CELF4: variants seen among roughly 807,000 people sequenced by gnomAD.
CELF4 encodes CUGBP Elav-like family member 4, also known as CUG-BP- and ETR-3-like factor 4.
In CELF4, 18 loss-of-function variants were observed where a neutral mutation model predicts 59.9. That is an observed-to-expected ratio of 0.30 (90% CI 0.21 to 0.45). CELF4 has a LOEUF of 0.45. CELF4 is among the 20% of genes least tolerant of loss of function. CELF4 has a pLI of 1.00. For missense variants in CELF4, 456 were observed against 689.0 expected, an observed-to-expected ratio of 0.66 and a Z score of 3.79; for synonymous variants, 261 against 267.1, an observed-to-expected ratio of 0.98 and a Z score of 0.22.
chr18:37,537,547 G>C (rs2099974495), intron 1 of CELF4, among the ~76,000 whole-genome samples: 1 of 152,168 alleles, frequency 6.6e-6, no homozygotes, highest in African/African-American at 2.4e-5. Context: ...CTCTGCAAAA[G>C]GACATGAAAA....
chr18:37,561,830 T>C (rs2099986630), intron 1 of CELF4, among the ~76,000 whole-genome samples: 2 of 152,322 alleles, frequency 1.3e-5, no homozygotes, highest in Admixed American at 6.5e-5. Context: ...GAGGAATTCA[T>C]CTCTTTTCTC....
intron 2 of CELF4, among the ~76,000 whole-genome samples, chr18:37,340,319 C>T (rs181679982): frequency 1.3e-5 from 2 of 152,326 alleles, no homozygotes; most frequent in South Asian, 2.1e-4. Flanking sequence ...CTGGGCTCAG[C>T]CCTGACTGAG....
intron 2 of CELF4, among the ~76,000 whole-genome samples, chr18:37,372,480 G>A (rs1024000803): frequency 7.2e-5 from 11 of 152,160 alleles, no homozygotes; most frequent in South Asian, 2.1e-4. Context: ...GGGGCCTGTC[G>A]TGGGATGGGG....
chr18:37,271,325 G>A (rs1176149327), intron 7 of CELF4, among the ~76,000 whole-genome samples: 1 of 134,570 alleles, frequency 7.4e-6, no homozygotes, highest in Non-Finnish European at 1.5e-5. Flanking sequence ...TGCAATCTCA[G>A]CTCACTGCAA....
chr18:37,351,611 C>T (rs1378222248), intron 2 of CELF4, among the ~76,000 whole-genome samples: 1 of 121,934 alleles, frequency 8.2e-6, no homozygotes, highest in Non-Finnish European at 1.7e-5. Flanking sequence ...TCTTCTTCTT[C>T]TTTTTTTTTT....
At chr18:37,522,149 A>C (rs2099958194) in intron 1 of CELF4, among the ~76,000 whole-genome samples, 1 of 149,680 alleles carries the variant, frequency 6.7e-6, no homozygotes, top group African/African-American at 2.6e-5. Flanking sequence ...TGCCCAGCAC[A>C]CACAGTAATG....
At chr18:37,294,913 T>C (rs76025601) in intron 3 of CELF4, among the ~76,000 whole-genome samples, 2,863 of 152,356 alleles carry the variant, frequency 0.019, 95 homozygotes, top group African/African-American at 0.066. Flanking sequence ...CTAGAGAAGA[T>C]GGAAGAAATG....
intron 2 of CELF4, among the ~76,000 whole-genome samples, chr18:37,349,426 C>T (rs1198341986): frequency 2.0e-5 from 3 of 152,238 alleles, no homozygotes; most frequent in Admixed American, 6.5e-5. Flanking sequence ...CTTTCTGTAG[C>T]GGGTTTAGGG....
At chr18:37,480,743 G>A (rs868101470) in intron 2 of CELF4, among the ~76,000 whole-genome samples, 1 of 152,134 alleles carries the variant, frequency 6.6e-6, no homozygotes, top group Non-Finnish European at 1.5e-5. Context: ...GGAGGAGAGG[G>A]AAAGGAGAGA....
chr18:37,471,542 G>GC (rs1322554093), intron 2 of CELF4, among the ~76,000 whole-genome samples: 1 of 152,052 alleles, frequency 6.6e-6, no homozygotes, highest in African/African-American at 2.4e-5. Context: ...GACATCTGGA[G>GC]CCCCCTCCAT....
chr18:37,261,024 C>G (rs2073996484), intron 10 of CELF4, among the ~76,000 whole-genome samples: 1 of 152,178 alleles, frequency 6.6e-6, no homozygotes. Flanking sequence ...CCCACTGGTT[C>G]ATGCCCTGTG....
chr18:37,403,556 G>A (rs547006860), intron 2 of CELF4, among the ~76,000 whole-genome samples: 1 of 152,260 alleles, frequency 6.6e-6, no homozygotes, highest in South Asian at 2.1e-4. Context: ...AGCATGTGGC[G>A]AGGGGGTGGT....
chr18:37,399,013 G>C (rs1366793903), intron 2 of CELF4, among the ~76,000 whole-genome samples: 1 of 152,114 alleles, frequency 6.6e-6, no homozygotes, highest in Non-Finnish European at 1.5e-5. Flanking sequence ...CTCAGTCTAG[G>C]AAACCCCTTT....
chr18:37,352,790 C>A (rs541634869), intron 2 of CELF4, among the ~76,000 whole-genome samples: 2 of 152,130 alleles, frequency 1.3e-5, no homozygotes, highest in South Asian at 2.1e-4. Flanking sequence ...AGGAAAGTCT[C>A]CCAGGTAGAG....
At chr18:37,335,001 C>T (rs2097712884) in intron 2 of CELF4, among the ~76,000 whole-genome samples, 1 of 145,054 alleles carries the variant, frequency 6.9e-6, no homozygotes, top group Non-Finnish European at 1.5e-5. Context: ...TCGCTCCCTC[C>T]CTCCCTCCCT....
chr18:37,361,462 C>T (rs572866457), intron 2 of CELF4, among the ~76,000 whole-genome samples: 11 of 152,284 alleles, frequency 7.2e-5, no homozygotes, highest in African/African-American at 2.6e-4. Flanking sequence ...CATGCAGCTG[C>T]CCCATTAGCG....
intron 9 of CELF4, among the ~76,000 whole-genome samples, chr18:37,266,008 C>G (rs1406309904): frequency 6.6e-6 from 1 of 152,166 alleles, no homozygotes; most frequent in Non-Finnish European, 1.5e-5. Context: ...CTTCCCACCT[C>G]TCCTCCTCTG....
chr18:37,386,019 T>C (rs1603633135), intron 2 of CELF4, among the ~76,000 whole-genome samples: 3 of 152,390 alleles, frequency 2.0e-5, no homozygotes, highest in Admixed American at 2.0e-4. Context: ...CTTGCAATTC[T>C]AAATATGGCC....
intron 1 of CELF4, among the ~76,000 whole-genome samples, chr18:37,544,395 T>C (rs538083591): frequency 3.3e-5 from 5 of 152,294 alleles, no homozygotes; most frequent in African/African-American, 1.2e-4. Flanking sequence ...TGCTATGCAT[T>C]GCATGGCCCT....
Sources: allele counts gnomAD v4.1 joint callset (sites outside exome capture counted in the v4.1 genomes callset), GRCh38; gene constraint gnomAD v4.1.1; transcripts MANE v1.5; gene names NCBI Gene and HGNC (gene_info 2026-07-23, HGNC 2026-07-21).